OTOA: variants seen among roughly 807,000 people sequenced by gnomAD.
The protein encoded by OTOA is otoancorin.
In OTOA, 70 loss-of-function variants were observed where a neutral mutation model predicts 110.8. The observed-to-expected ratio is 0.63, with a 90% CI of 0.52 to 0.77. The LOEUF (loss-of-function observed/expected upper bound fraction) is 0.77, where lower values mean the gene tolerates loss of function less well. OTOA is among the 30% of genes least tolerant of loss of function. OTOA has a pLI of 0.00. For missense variants in OTOA, 917 were observed against 1,075.8 expected, an observed-to-expected ratio of 0.85 and a Z score of 2.06; for synonymous variants, 373 against 431.5, an observed-to-expected ratio of 0.86 and a Z score of 1.68.
At chr16:21,732,719 GTAAA>G (rs1899156532) in intron 21 of OTOA, among the ~76,000 whole-genome samples, 1 of 151,600 alleles carries the variant, frequency 6.6e-6, no homozygotes, top group African/African-American at 2.4e-5. Flanking sequence ...AGGATACAAA[GTAAA>G]TAAATAAATA....
intron 12 of OTOA, 93 bp downstream of exon 12, chr16:21,705,385 A>G (rs1898142424): frequency 1.3e-6 from 2 of 1,592,962 alleles, no homozygotes; most frequent in South Asian, 2.2e-5. Context: ...TTGGGAGAAA[A>G]CACACAGCAT....
rs562004649 is a variant in OTOA, at chr16:21,707,772, T to TC, written c.1105-2107dup. Reference sequence around the variant, plus strand: ...TCCTCCTTCCCTCCCTCCCTCCCCCTCCCCCCCCCATCCCTTTCCCCTTCC... The same window carrying TC: ...TCCTCCTTCCCTCCCTCCCTCCCCCTCCCCCCCCCCATCCCTTTCCCCTTCC... On this transcript the variant is annotated intron_variant, in intron 12 of 28. Transcript: ENST00000646100. Among the ~76,000 whole-genome samples, 213 of 23,706 alleles carry TC rather than the reference T, an allele frequency of 9.0e-3. 3 individuals carry two copies. The highest frequency in any genetic ancestry group is 0.048 in the East Asian group (27 of 558). The allele number at this position is 23,706 out of a possible 152,430, so 15.6% of individuals were successfully genotyped here. A position where few individuals can be genotyped will look rare whatever the true frequency, so the allele number is the denominator to read the frequency against.
At chr16:21,716,366 T>C (rs553935758) in intron 14 of OTOA, among the ~76,000 whole-genome samples, 1 of 152,214 alleles carries the variant, frequency 6.6e-6, no homozygotes, top group South Asian at 2.1e-4. Context: ...GGTTAGGAGA[T>C]TGAGACCAGC....
At chr16:21,698,929 G>A (rs544819819) in intron 10 of OTOA, among the ~76,000 whole-genome samples, 1 of 152,082 alleles carries the variant, frequency 6.6e-6, no homozygotes, top group African/African-American at 2.4e-5. Flanking sequence ...GAATAACACT[G>A]CTAAAAGGGA....
intron 21 of OTOA, among the ~76,000 whole-genome samples, chr16:21,735,592 A>ATT (rs1397179766): frequency 6.6e-6 from 1 of 151,736 alleles, no homozygotes; most frequent in African/African-American, 2.4e-5. Flanking sequence ...GTACACATAC[A>ATT]TTTTTTTTGT....
chr16:21,711,893 CT>C (rs1898369405), intron 13 of OTOA, among the ~76,000 whole-genome samples: 1 of 152,178 alleles, frequency 6.6e-6, no homozygotes, highest in South Asian at 2.1e-4. Flanking sequence ...TTTTTGGCTT[CT>C]GGATATTAAT....
At chr16:21,705,959 A>G (rs1261183000) in intron 12 of OTOA, among the ~76,000 whole-genome samples, 1 of 151,474 alleles carries the variant, frequency 6.6e-6, no homozygotes, top group Non-Finnish European at 1.5e-5. Flanking sequence ...AAAAAAAGCC[A>G]TGTGCCTATA....
chr16:21,751,779 T>A (rs1899833377), intron 24 of OTOA, among the ~76,000 whole-genome samples, 156 bp from the exon 25 acceptor site: 1 of 108,176 alleles, frequency 9.2e-6, no homozygotes, highest in Non-Finnish European at 2.1e-5. Flanking sequence ...GGACATGAAC[T>A]TGGATGCAGA....
chr16:21,726,804 C>T, intron 19 of OTOA, 146 bp downstream of exon 19: 1 of 1,174,780 alleles, frequency 8.5e-7, no homozygotes, highest in South Asian at 1.3e-5. Context: ...TCTAAAGTTG[C>T]TGGTTGGAAC....
chr16:21,744,383 G>A (rs1899588605), intron 23 of OTOA, among the ~76,000 whole-genome samples: 1 of 150,568 alleles, frequency 6.6e-6, no homozygotes, highest in Admixed American at 6.6e-5. Flanking sequence ...CTGGCCTCAT[G>A]TGATCTGCAT....
chr16:21,711,552 C>T (rs1205651235), intron 13 of OTOA, among the ~76,000 whole-genome samples: 1 of 152,168 alleles, frequency 6.6e-6, no homozygotes, highest in African/African-American at 2.4e-5. Flanking sequence ...TCATTGCAAC[C>T]TCCGCCTCCG....
intron 28 of OTOA, among the ~76,000 whole-genome samples, chr16:21,758,764 G>A (rs1363510963): frequency 2.6e-5 from 4 of 151,266 alleles, no homozygotes; most frequent in Non-Finnish European, 5.9e-5. Flanking sequence ...ACTTTGGGAG[G>A]CCGAGGTGGG....
chr16:21,724,785 A>G (rs1009451616), intron 18 of OTOA, among the ~76,000 whole-genome samples: 2 of 151,766 alleles, frequency 1.3e-5, no homozygotes, highest in African/African-American at 2.4e-5. Flanking sequence ...TAATTAATTT[A>G]TTTATTTTTG....
At chr16:21,697,395 G>T (rs1897965242) in intron 9 of OTOA, among the ~76,000 whole-genome samples, 1 of 152,044 alleles carries the variant, frequency 6.6e-6, no homozygotes. Context: ...ACTTGGGGAG[G>T]CAAGAGGCGG....
chr16:21,687,710 C>A, intron 8 of OTOA, 62 bp downstream of exon 8: 1 of 1,412,692 alleles, frequency 7.1e-7, no homozygotes, highest in Non-Finnish European at 9.7e-7. Context: ...CTCTGTCGCC[C>A]AGGTTGGAGT....
chr16:21,722,245 GA>G (rs11286502), intron 17 of OTOA, among the ~76,000 whole-genome samples: 37,289 of 144,772 alleles, frequency 0.26, 4,885 homozygotes, highest in Non-Finnish European at 0.27. Flanking sequence ...CTAGGTGACA[GA>G]GTGAGACTGT....
At chr16:21,744,206 A>G (rs1899578569) in intron 23 of OTOA, among the ~76,000 whole-genome samples, 1 of 149,310 alleles carries the variant, frequency 6.7e-6, no homozygotes, top group African/African-American at 2.4e-5. Flanking sequence ...GCTGGAGTAC[A>G]GTGGCACCAT....
In OTOA at chr16:21,705,083, C is replaced by T. The variant is rs770993731; in HGVS notation, c.981-86C>T. The T allele has an allele frequency of 3.1e-6, 5 of 1,605,276 alleles. No homozygotes were observed. In the Admixed American group the frequency reaches 6.7e-5, roughly 21 times the overall value. On this transcript the variant is annotated intron_variant, in intron 11 of 28. Transcript: ENST00000646100. Reference sequence around the variant, plus strand: ...GGAGTCCGTGGCAACTGAAAAACAACTCACCATTTTATTACACAAAATTGA... The same window carrying T: ...GGAGTCCGTGGCAACTGAAAAACAATTCACCATTTTATTACACAAAATTGA...
At chr16:21,701,417 G>T (rs1898050603) in intron 11 of OTOA, among the ~76,000 whole-genome samples, 2 of 152,282 alleles carry the variant, frequency 1.3e-5, no homozygotes, top group South Asian at 4.1e-4. Context: ...CCATATATGA[G>T]AACCGCTTGT....
Sources: gnomAD v4.1 joint callset for allele counts (sites outside exome capture counted in the v4.1 genomes callset) on GRCh38, gnomAD v4.1.1 for gene constraint, MANE v1.5 for transcripts, NCBI Gene and HGNC (gene_info 2026-07-23, HGNC 2026-07-21) for gene names.